The following QKI variants were observed in gnomAD, a reference collection of about 807,000 sequenced individuals.
QKI encodes the protein KH domain-containing RNA-binding protein QKI.
Under a neutral mutation model 39.0 loss-of-function variants are expected in QKI, and 10 were observed. That is an observed-to-expected ratio of 0.26 (90% CI 0.16 to 0.43). The LOEUF is 0.43. QKI is among the 20% of genes least tolerant of loss of function. The pLI, the probability that QKI is intolerant of heterozygous loss-of-function variation, is 1.00. For missense variants in QKI, 218 were observed against 428.0 expected, an observed-to-expected ratio of 0.51 and a Z score of 4.33; for synonymous variants, 204 against 155.4, an observed-to-expected ratio of 1.31 and a Z score of -2.33.
At chr6:163,475,582 A>G (rs1792528277) in intron 2 of QKI, among the ~76,000 whole-genome samples, 1 of 152,090 alleles carries the variant, frequency 6.6e-6, no homozygotes, top group Admixed American at 6.5e-5. Flanking sequence ...TTGTGTAGAT[A>G]AATATTTATG....
chr6:163,460,400 A>G (rs1791260117), intron 2 of QKI, among the ~76,000 whole-genome samples: 1 of 152,190 alleles, frequency 6.6e-6, no homozygotes, highest in Non-Finnish European at 1.5e-5. Context: ...TGGTTGCTAT[A>G]GTTAGTAGTT....
intron 1 of QKI, among the ~76,000 whole-genome samples, chr6:163,439,291 A>G (rs967994663): frequency 3.3e-5 from 5 of 149,454 alleles, no homozygotes; most frequent in Middle Eastern, 3.5e-3. Context: ...AATTTATTCT[A>G]TCAAACTCAG....
intron 3 of QKI, among the ~76,000 whole-genome samples, chr6:163,530,621 T>G (rs73021403): frequency 0.039 from 5,999 of 152,292 alleles, 126 homozygotes; most frequent in Middle Eastern, 0.079. Context: ...TGAATATGGC[T>G]TCATGGCTTC....
intron 3 of QKI, among the ~76,000 whole-genome samples, chr6:163,515,739 A>T (rs1290375080): frequency 1.3e-5 from 2 of 152,192 alleles, no homozygotes; most frequent in Non-Finnish European, 2.9e-5. Flanking sequence ...ATTTCAAGTG[A>T]TCTTATTTCT....
intron 3 of QKI, among the ~76,000 whole-genome samples, chr6:163,501,532 G>A (rs1051072805): frequency 2.0e-5 from 3 of 152,158 alleles, no homozygotes; most frequent in Non-Finnish European, 4.4e-5. Context: ...GGAGAACCCC[G>A]TTCCATGCAA....
intron 3 of QKI, among the ~76,000 whole-genome samples, chr6:163,512,204 C>A (rs945849695): frequency 6.6e-6 from 1 of 151,898 alleles, no homozygotes; most frequent in Admixed American, 6.6e-5. Context: ...TTGATAAATT[C>A]GCCTTATGAA....
At chr6:163,524,296 A>C (rs935785006) in intron 3 of QKI, among the ~76,000 whole-genome samples, 1 of 152,104 alleles carries the variant, frequency 6.6e-6, no homozygotes, top group African/African-American at 2.4e-5. Flanking sequence ...ATTTTCATGT[A>C]ATGGTTAATA....
At chr6:163,502,153 T>A (rs915078324) in intron 3 of QKI, among the ~76,000 whole-genome samples, 1 of 151,952 alleles carries the variant, frequency 6.6e-6, no homozygotes, top group African/African-American at 2.4e-5. Context: ...CGAAACCCCA[T>A]CTCTACAAAA....
intron 3 of QKI, among the ~76,000 whole-genome samples, chr6:163,512,942 T>G (rs1779571331): frequency 6.6e-6 from 1 of 152,102 alleles, no homozygotes; most frequent in African/African-American, 2.4e-5. Flanking sequence ...GTATTGAAAA[T>G]TATATAGTAG....
At chr6:163,510,191 G>C in intron 3 of QKI, among the ~76,000 whole-genome samples, 1 of 149,126 alleles carries the variant, frequency 6.7e-6, no homozygotes, top group Non-Finnish European at 1.5e-5. Flanking sequence ...ACTCCAGCCT[G>C]GGCAGCAGAG....
chr6:163,534,837 C>A (rs1050718012), intron 3 of QKI, 145 bp from the exon 4 acceptor site: 5 of 621,016 alleles, frequency 8.1e-6, no homozygotes, highest in Non-Finnish European at 1.3e-5. Flanking sequence ...CTTTGAGGAC[C>A]CAGAAAAATA....
In QKI at chr6:163,576,603, G is replaced by A. The variant is rs946030546; in HGVS notation, c.*5893G>A. The A allele has an allele frequency of 6.6e-6, 1 of 151,544 alleles. No individual in the cohort carries two copies. 9.4% of individuals were successfully genotyped at this position (151,544 alleles called of 1,614,324 possible). On this transcript the variant is annotated 3_prime_UTR_variant, in exon 8 of 8. Transcript: ENST00000361752. ...ATATATATATATATAGTCGAAATAGGTGTTCACAGGTCACATGTGAACGGA... is the reference window on the plus strand; with the variant it reads ...ATATATATATATATAGTCGAAATAGATGTTCACAGGTCACATGTGAACGGA...
Position 163,469,049 on chromosome 6 carries a change from CATTTTTTAAGGTTAGTAAA to C in QKI, c.286-9712_286-9694del, listed in dbSNP as rs922474106. 4.5e-4 allele frequency among the ~76,000 whole-genome samples: 68 copies of C among 152,038 alleles called. 1 individual carries two copies. Among genetic ancestry groups the C allele is most frequent in the African/African-American group, 1.3e-3 (55 of 41,476 alleles). ...CTTCTTGGGGCAATAGTGATTGTTT[CATTTTTTAAGGTTAGTAAA>C]ATTTTTTAAGGTTAGTAAGATTAGT... On this transcript the variant is annotated intron_variant, in intron 2 of 7. Coordinates refer to ENST00000361752, the MANE Select transcript of QKI (RefSeq NM_006775.3).
At chr6:163,521,282 G>A (rs923609470) in intron 3 of QKI, among the ~76,000 whole-genome samples, 2 of 152,120 alleles carry the variant, frequency 1.3e-5, no homozygotes, top group African/African-American at 2.4e-5. Context: ...TATGGGAATC[G>A]CTGGGATGTG....
chr6:163,450,028 CA>C (rs1440404242), intron 1 of QKI, among the ~76,000 whole-genome samples: 1 of 151,494 alleles, frequency 6.6e-6, no homozygotes, highest in Non-Finnish European at 1.5e-5. Context: ...TATATATACA[CA>C]CACATATATA....
At chr6:163,549,666 C>G (rs541869015) in intron 4 of QKI, among the ~76,000 whole-genome samples, 1 of 152,228 alleles carries the variant, frequency 6.6e-6, no homozygotes, top group East Asian at 1.9e-4. Flanking sequence ...GAGCCGAGAT[C>G]GTGCCACTGC....
intron 6 of QKI, chr6:163,566,460 T>C: frequency 1.5e-6 from 2 of 1,312,144 alleles, no homozygotes; most frequent in Non-Finnish European, 1.9e-6. Flanking sequence ...ATAGAGCTCA[T>C]GAAATACTGT....
chr6:163,487,517 T>C (rs1433750282), intron 3 of QKI, among the ~76,000 whole-genome samples: 2 of 152,198 alleles, frequency 1.3e-5, no homozygotes, highest in African/African-American at 4.8e-5. Flanking sequence ...AATATGCTTT[T>C]AAAATAATTT....
chr6:163,560,500 GA>G (rs1316625459), intron 4 of QKI, among the ~76,000 whole-genome samples: 1 of 152,134 alleles, frequency 6.6e-6, no homozygotes, highest in Non-Finnish European at 1.5e-5. Context: ...TGGGGATGGG[GA>G]TAGGTAGGAT....
Sources: allele counts gnomAD v4.1 joint callset (sites outside exome capture counted in the v4.1 genomes callset), GRCh38; gene constraint gnomAD v4.1.1; transcripts MANE v1.5; gene names NCBI Gene and HGNC (gene_info 2026-07-23, HGNC 2026-07-21).